The following RUSC2 variants were observed in gnomAD, a reference collection of about 807,000 sequenced individuals.
RUSC2 encodes the protein RUN and SH3 domain containing 2.
RUSC2 carries 34 observed loss-of-function variants against 122.2 expected under a neutral mutation model. That is an observed-to-expected ratio of 0.28 (90% CI 0.21 to 0.37). The LOEUF is 0.37. Among genes scored for constraint, RUSC2 ranks in the 10% least tolerant of loss-of-function variants. The pLI, the probability that RUSC2 is intolerant of heterozygous loss-of-function variation, is 1.00. For synonymous variants in RUSC2, 784 were observed against 790.0 expected, an observed-to-expected ratio of 0.99 and a Z score of 0.13; for missense variants, 1,747 against 1,952.4, an observed-to-expected ratio of 0.89 and a Z score of 1.98.
At chr9:35,496,897 C>T (rs550935387) in intron 1 of RUSC2, among the ~76,000 whole-genome samples, 7 of 152,260 alleles carry the variant, frequency 4.6e-5, no homozygotes, top group South Asian at 2.1e-4. Flanking sequence ...GCCTAGAGGA[C>T]GCTAAGGTTA....
intron 1 of RUSC2, among the ~76,000 whole-genome samples, chr9:35,495,210 A>G (rs1820681147): frequency 1.0e-5 from 1 of 96,772 alleles, no homozygotes; most frequent in East Asian, 2.4e-4. Context: ...ATAATTTATT[A>G]TATATAAAGT....
chr9:35,496,348 C>T (rs1820712639), intron 1 of RUSC2, among the ~76,000 whole-genome samples: 1 of 152,166 alleles, frequency 6.6e-6, no homozygotes, highest in Non-Finnish European at 1.5e-5. Flanking sequence ...ATAACAGGTT[C>T]ATCTTCGTAG....
chr9:35,503,230 C>T (rs1250423356), intron 1 of RUSC2, among the ~76,000 whole-genome samples: 1 of 152,006 alleles, frequency 6.6e-6, no homozygotes, highest in African/African-American at 2.4e-5. Context: ...TACACTATGC[C>T]CAAATATTGT....
In RUSC2 at chr9:35,547,973, T is replaced by C. The variant is rs766312646; in HGVS notation, c.1452T>C (p.Thr484=). 7 of 1,614,182 alleles carry C rather than the reference T, an allele frequency of 4.3e-6. No individual in the cohort carries two copies. Among genetic ancestry groups the C allele is most frequent in the Non-Finnish European group, 5.9e-6 (7 of 1,180,034 alleles). Residue 484 remains threonine, a synonymous_variant, in exon 2 of 12, where the codon ACT becomes ACC. Coordinates refer to ENST00000361226, the MANE Select transcript of RUSC2 (RefSeq NM_014806.5). The surrounding 1 kb of genome is among the most constrained non-coding windows in gnomAD (Gnocchi z 4.6). ...TTGAGGGACAAGTATACACGAATACTTCACCCCCCAACCTCAGCACTGGAC... is the reference window on the plus strand; with the variant it reads ...TTGAGGGACAAGTATACACGAATACCTCACCCCCCAACCTCAGCACTGGAC... ...TVLEGQVYTN[T]SPPNLSTGRQ...
chr9:35,536,558 A>C (rs1303769111), intron 1 of RUSC2, among the ~76,000 whole-genome samples: 1 of 152,204 alleles, frequency 6.6e-6, no homozygotes, highest in Non-Finnish European at 1.5e-5. Flanking sequence ...CACACCTGTA[A>C]TCCCAGCACT....
intron 1 of RUSC2, among the ~76,000 whole-genome samples, chr9:35,510,597 T>A (rs1820994747): frequency 6.6e-6 from 1 of 152,258 alleles, no homozygotes; most frequent in Non-Finnish European, 1.5e-5. Context: ...TTTTTTTCTT[T>A]CACACACTAC....
chr9:35,511,823 A>C (rs77084249), intron 1 of RUSC2, among the ~76,000 whole-genome samples: 7,563 of 152,180 alleles, frequency 0.05, 659 homozygotes, highest in African/African-American at 0.17. Flanking sequence ...AACTCTCCTA[A>C]AAGATATATA....
chr9:35,507,207 A>T lies in RUSC2; in HGVS notation c.-93+17035A>T, dbSNP rs2132501284. ...ATGCTTTCTGTTTACATGCATATAT[A>T]AATTTTGCATGGATGTAATTGTAGC... On this transcript the variant is annotated intron_variant, in intron 1 of 11. Coordinates refer to ENST00000361226, the MANE Select transcript of RUSC2 (RefSeq NM_014806.5). 1.3e-5 allele frequency among the ~76,000 whole-genome samples: 2 copies of T among 152,310 alleles called. 1 individual carries two copies. Among genetic ancestry groups the T allele is most frequent in the Middle Eastern group, 6.8e-3 (2 of 294 alleles).
At chr9:35,530,054 C>A (rs1587851437) in intron 1 of RUSC2, among the ~76,000 whole-genome samples, 1 of 152,288 alleles carries the variant, frequency 6.6e-6, no homozygotes, top group East Asian at 1.9e-4. Context: ...CGGCCTCAAG[C>A]CTTCCTCCCA....
chr9:35,540,751 A>G (rs1479363907), intron 1 of RUSC2, among the ~76,000 whole-genome samples: 1 of 152,204 alleles, frequency 6.6e-6, no homozygotes, highest in Non-Finnish European at 1.5e-5. Flanking sequence ...TAGGAAGCAG[A>G]TGCTCTGGGA....
chr9:35,555,609 C>T lies in RUSC2; in HGVS notation c.2564C>T (p.Pro855Leu), dbSNP rs756226958. ...EYRLHGTGSL[P>L]PLGSWRSGLS... ...CGGCTCCATGGAACAGGAAGCTTGC[C>T]GCCTCTGGGCTCCTGGCGATCTGGC... The change falls in exon 3 of 12, where the codon CCG (proline) becomes CTG (leucine). Residue 855 changes from proline (P) to leucine (L), a missense_variant. Physicochemically the swap from Pro to Leu is moderately conservative, Grantham distance 98. Transcript: ENST00000361226. The surrounding 1 kb of genome is among the most constrained non-coding windows in gnomAD (Gnocchi z 4.6). 2.5e-5 allele frequency: 40 copies of T among 1,613,204 alleles called. 1 individual carries two copies. In the South Asian group the frequency reaches 2.7e-4, roughly 11 times the overall value.
chr9:35,540,257 T>G (rs540356260), intron 1 of RUSC2, among the ~76,000 whole-genome samples: 1 of 152,016 alleles, frequency 6.6e-6, no homozygotes, highest in Non-Finnish European at 1.5e-5. Flanking sequence ...TAGTCCCAGC[T>G]ACTAAGGAGG....
intron 1 of RUSC2, among the ~76,000 whole-genome samples, chr9:35,538,023 G>A (rs918167216): frequency 1.3e-5 from 2 of 152,192 alleles, no homozygotes; most frequent in Non-Finnish European, 2.9e-5. Flanking sequence ...TCTCCAGGCA[G>A]AACTGAGATT....
intron 1 of RUSC2, among the ~76,000 whole-genome samples, chr9:35,530,982 G>A (rs986615846): frequency 1.1e-4 from 16 of 152,050 alleles, no homozygotes; most frequent in Admixed American, 5.9e-4. Context: ...ATTTGGGGCT[G>A]GGAGCAGTAG....
chr9:35,511,496 C>T (rs1821010215), intron 1 of RUSC2, among the ~76,000 whole-genome samples: 1 of 152,154 alleles, frequency 6.6e-6, no homozygotes, highest in Admixed American at 6.6e-5. Flanking sequence ...ATTTCAGTAC[C>T]CCACATCCCA....
intron 9 of RUSC2, 100 bp from the exon 10 acceptor site, chr9:35,559,929 C>A: frequency 1.0e-6 from 1 of 989,226 alleles, no homozygotes; most frequent in Non-Finnish European, 1.5e-6. Flanking sequence ...ACAGCCTGCA[C>A]CGCTGTCTGC....
rs746398894 is a variant in RUSC2, at chr9:35,558,457, C to T, written c.3236-5C>T. ...ATGTGACCTGCAACCCTGGCTTCCTCCCAGGCCCATCCACCAAGGTCCTGC... is the reference window on the plus strand; with the variant it reads ...ATGTGACCTGCAACCCTGGCTTCCTTCCAGGCCCATCCACCAAGGTCCTGC... On this transcript the variant is annotated splice_polypyrimidine_tract_variant and splice_region_variant and intron_variant, in intron 7 of 11. Transcript: ENST00000361226. This position sits in a 1 kb window ranked among gnomAD's most constrained non-coding sequence, Gnocchi z 4.3. 36 of 1,614,006 alleles carry T rather than the reference C, an allele frequency of 2.2e-5. No individual in the cohort carries two copies. The highest frequency in any genetic ancestry group is 3.1e-5 in the Non-Finnish European group (36 of 1,179,898).
chr9:35,527,138 G>GT (rs11455572), intron 1 of RUSC2, among the ~76,000 whole-genome samples: 112,387 of 149,186 alleles, frequency 0.75, 43,664 homozygotes, highest in Non-Finnish European at 0.87. Flanking sequence ...TCCTTTCGTT[G>GT]TTTTTTTTTT....
Position 35,495,864 on chromosome 9 carries a change from G to A in RUSC2, c.-93+5692G>A, listed in dbSNP as rs576479918. ...TTCCAGCAATGTTTTGTATTTCTCA[G>A]TGTACAAGTCTTTCACTTCCGTGGT... is the stretch of plus-strand genomic sequence containing the variant. On this transcript the variant is annotated intron_variant, in intron 1 of 11. Coordinates refer to ENST00000361226, the MANE Select transcript of RUSC2 (RefSeq NM_014806.5). Among the ~76,000 whole-genome samples the A allele has an allele frequency of 8.5e-5, 13 of 152,122 alleles. No individual in the cohort carries two copies. In the South Asian group the frequency reaches 2.5e-3, roughly 29 times the overall value.
Sources: allele counts gnomAD v4.1 joint callset (sites outside exome capture counted in the v4.1 genomes callset), GRCh38; gene constraint gnomAD v4.1.1; non-coding constraint Gnocchi (gnomAD v3.1); transcripts MANE v1.5; gene names NCBI Gene and HGNC (gene_info 2026-07-23, HGNC 2026-07-21).